Variants in CSMD1 observed in about 807,000 individuals in gnomAD.
CSMD1 encodes CUB and Sushi multiple domains 1.
A neutral mutation model predicts 417.5 loss-of-function variants in CSMD1; 213 were observed. The observed-to-expected ratio is 0.51, with a 90% confidence interval of 0.46 to 0.57. The LOEUF is 0.57. Among genes scored for constraint, CSMD1 ranks in the 20% least tolerant of loss-of-function variants. The pLI, the probability that CSMD1 is intolerant of heterozygous loss-of-function variation, is 0.00. For synonymous variants in CSMD1, 2,862 were observed against 1,736.8 expected, an observed-to-expected ratio of 1.65 and a Z score of -16.11; for missense variants, 6,923 against 4,529.7, an observed-to-expected ratio of 1.53 and a Z score of -15.17.
At chr8:4,261,875 A>C (rs1803912091) in intron 3 of CSMD1, among the ~76,000 whole-genome samples, 1 of 152,212 alleles carries the variant, frequency 6.6e-6, no homozygotes, top group Non-Finnish European at 1.5e-5. Context: ...AACTAGACAA[A>C]ATGTGTTAAA....
At chr8:4,449,620 G>C (rs185874379) in intron 2 of CSMD1, among the ~76,000 whole-genome samples, 4 of 152,136 alleles carry the variant, frequency 2.6e-5, no homozygotes, top group Non-Finnish European at 5.9e-5. Flanking sequence ...GCTGTAGCCA[G>C]AATACATCTT....
At chr8:3,647,810 G>A (rs1000766554) in intron 7 of CSMD1, among the ~76,000 whole-genome samples, 1 of 152,204 alleles carries the variant, frequency 6.6e-6, no homozygotes, top group Non-Finnish European at 1.5e-5. Flanking sequence ...AGTAAATATG[G>A]CAAATGTATA....
intron 4 of CSMD1, among the ~76,000 whole-genome samples, chr8:4,021,359 T>C (rs1021942784): frequency 2.0e-5 from 3 of 152,254 alleles, no homozygotes; most frequent in African/African-American, 7.2e-5. Context: ...ACATTTTCCG[T>C]GTCGCATCTG....
In CSMD1 at chr8:4,145,980, G is replaced by A. The variant is rs572873000; in HGVS notation, c.416-113881C>T. 2.9e-4 allele frequency among the ~76,000 whole-genome samples: 43 copies of A among 150,794 alleles called. 1 individual carries two copies. Among genetic ancestry groups the A allele is most frequent in the African/African-American group, 1.0e-3 (42 of 40,274 alleles). On this transcript the variant is annotated intron_variant, in intron 3 of 69. Transcript: ENST00000635120. ...TGTTACCGCTGTCATTTGTAGACAG[G>A]GTGCAAATTTTGTACCCTGCACTAA...
chr8:3,237,603 TTA>T (rs1799228527), intron 26 of CSMD1, among the ~76,000 whole-genome samples: 1 of 144,596 alleles, frequency 6.9e-6, no homozygotes, highest in Admixed American at 7.0e-5. Context: ...AAATATAATT[TTA>T]TACTTATACT....
intron 25 of CSMD1, among the ~76,000 whole-genome samples, chr8:3,294,028 TA>T (rs201341115): frequency 0.49 from 74,959 of 151,968 alleles, 20,831 homozygotes; most frequent in South Asian, 0.63. Context: ...TTCTGTTTGT[TA>T]GTTTTCCTTC....
intron 1 of CSMD1, among the ~76,000 whole-genome samples, chr8:4,647,782 G>A (rs1585388106): frequency 6.6e-6 from 1 of 152,180 alleles, no homozygotes; most frequent in East Asian, 1.9e-4. Flanking sequence ...TCCATGGTGT[G>A]TATGTACTGG....
chr8:3,390,290 G>C (rs1308684174), intron 17 of CSMD1, among the ~76,000 whole-genome samples: 1 of 144,904 alleles, frequency 6.9e-6, no homozygotes, highest in Non-Finnish European at 1.5e-5. Context: ...AGGAGGCAGA[G>C]GATGCAGTGA....
intron 15 of CSMD1, among the ~76,000 whole-genome samples, chr8:3,399,999 G>T (rs1351798782): frequency 6.6e-6 from 1 of 152,070 alleles, no homozygotes; most frequent in African/African-American, 2.4e-5. Flanking sequence ...AAAATAAATA[G>T]CCACATGCAA....
intron 6 of CSMD1, among the ~76,000 whole-genome samples, chr8:3,735,257 C>G (rs746013744): frequency 6.6e-6 from 1 of 152,080 alleles, no homozygotes; most frequent in Non-Finnish European, 1.5e-5. Flanking sequence ...TGATATTACT[C>G]AACACAGATC....
chr8:2,951,232 A>G lies in CSMD1; in HGVS notation c.10083T>C (p.Tyr3361=), dbSNP rs1341505830. The G allele has an allele frequency of 6.2e-7, 1 of 1,608,442 alleles. No homozygotes were observed. The highest frequency in any genetic ancestry group is 8.5e-7 in the Non-Finnish European group (1 of 1,177,090). The stretch of plus-strand genomic sequence containing the variant: ...GTTGTCTTTTCCCTAAATATTCATA[A>G]TACCCCTTCCACAGTGAATTGACGA... The part of the protein sequence containing the change: ...VFFVNSLWKG[Y]YEYLGKRQPA... The change falls in exon 66 of 70, where the codon TAT becomes TAC. Residue 3361 remains tyrosine (Y), a synonymous_variant. Coordinates refer to ENST00000635120, the MANE Select transcript of CSMD1 (RefSeq NM_033225.6).
intron 5 of CSMD1, among the ~76,000 whole-genome samples, chr8:3,983,043 C>T (rs1248918258): frequency 1.3e-5 from 2 of 152,040 alleles, no homozygotes; most frequent in Non-Finnish European, 2.9e-5. Flanking sequence ...GGGCCGGGAT[C>T]CCAATCCAAG....
intron 1 of CSMD1, among the ~76,000 whole-genome samples, chr8:4,678,319 G>A (rs1805825318): frequency 6.6e-6 from 1 of 152,046 alleles, no homozygotes; most frequent in African/African-American, 2.4e-5. Context: ...GGTGAGGCAT[G>A]AGAATAACCT....
At chr8:4,486,264 T>TAC (rs1302573769) in intron 2 of CSMD1, among the ~76,000 whole-genome samples, 4 of 138,728 alleles carry the variant, frequency 2.9e-5, no homozygotes, top group Non-Finnish European at 4.6e-5. Context: ...TATATATATA[T>TAC]ATATATATAT....
intron 3 of CSMD1, among the ~76,000 whole-genome samples, chr8:4,300,370 A>G (rs768467563): frequency 2.0e-5 from 3 of 152,206 alleles, no homozygotes; most frequent in South Asian, 4.1e-4. Context: ...TATAAACTTT[A>G]TTTCTCAATA....
chr8:3,130,761 C>G (rs1817751869), intron 41 of CSMD1, among the ~76,000 whole-genome samples: 1 of 152,148 alleles, frequency 6.6e-6, no homozygotes, highest in South Asian at 2.1e-4. Context: ...CGCTCACAAC[C>G]TAAACATCAC....
At chr8:3,528,408 A>G (rs1422607043) in intron 10 of CSMD1, among the ~76,000 whole-genome samples, 4 of 152,130 alleles carry the variant, frequency 2.6e-5, no homozygotes, top group Non-Finnish European at 5.9e-5. Flanking sequence ...CTCGTGGGGG[A>G]AGGAGGATGG....
intron 2 of CSMD1, among the ~76,000 whole-genome samples, chr8:4,555,016 A>G (rs370451761): frequency 3.3e-5 from 5 of 152,196 alleles, no homozygotes; most frequent in African/African-American, 1.2e-4. Flanking sequence ...AGAGCACGCA[A>G]GTAAGACTCA....
At chr8:4,344,571 T>G (rs1302514854) in intron 3 of CSMD1, among the ~76,000 whole-genome samples, 3 of 150,938 alleles carry the variant, frequency 2.0e-5, no homozygotes, top group African/African-American at 7.3e-5. Flanking sequence ...TATACATATA[T>G]AAGTATATAT....
Sources: gnomAD v4.1 joint callset for allele counts (sites outside exome capture counted in the v4.1 genomes callset) on GRCh38, gnomAD v4.1.1 for gene constraint, MANE v1.5 for transcripts, NCBI Gene and HGNC (gene_info 2026-07-23, HGNC 2026-07-21) for gene names.